The following RCL1 variants were observed in gnomAD, a reference collection of about 807,000 sequenced individuals.
RCL1 encodes RNA terminal phosphate cyclase like 1.
In RCL1, 24 loss-of-function variants were observed where a neutral mutation model predicts 42.4. The ratio of observed to expected loss-of-function variants is 0.57; its 90% CI spans 0.41 to 0.80. RCL1 has a LOEUF of 0.80. RCL1 is among the 30% of genes least tolerant of loss of function. RCL1 has a pLI of 0.00. For missense variants in RCL1, 578 were observed against 467.9 expected (o/e 1.24, Z -2.17); for synonymous variants, 228 against 177.3 (o/e 1.29, Z -2.27).
At chr9:4,837,807 G>A (rs916761442) in intron 5 of RCL1, among the ~76,000 whole-genome samples, 2 of 152,176 alleles carry the variant, frequency 1.3e-5, no homozygotes, top group Non-Finnish European at 2.9e-5. Context: ...TCTGAGCCAG[G>A]AAGAGACTTG....
intron 3 of RCL1, among the ~76,000 whole-genome samples, chr9:4,831,263 C>T (rs1816930969): frequency 6.6e-6 from 1 of 151,340 alleles, no homozygotes; most frequent in African/African-American, 2.5e-5. Context: ...CTCTTTGTGA[C>T]TCAAGGTATA....
At chr9:4,819,740 G>C (rs1213398904) in intron 1 of RCL1, among the ~76,000 whole-genome samples, 1 of 152,230 alleles carries the variant, frequency 6.6e-6, no homozygotes, top group Non-Finnish European at 1.5e-5. Context: ...CCGGGAGGCG[G>C]AGGTTGCAGT....
At chr9:4,813,288 C>G (rs1054462997) in intron 1 of RCL1, among the ~76,000 whole-genome samples, 13 of 152,168 alleles carry the variant, frequency 8.5e-5, no homozygotes, top group Admixed American at 7.2e-4. Context: ...ATCTACCCAT[C>G]TGACAAAGGG....
chr9:4,793,285 G>C, intron 1 of RCL1, 58 bp downstream of exon 1: 10 of 1,522,336 alleles, frequency 6.6e-6, no homozygotes, highest in Admixed American at 2.0e-5. Context: ...AGACCGAGCT[G>C]ATGCCGTGGG....
chr9:4,836,223 A>G (rs1817124368), intron 5 of RCL1, among the ~76,000 whole-genome samples: 1 of 152,148 alleles, frequency 6.6e-6, no homozygotes. Flanking sequence ...GGCAGCCTAG[A>G]GGGAGGAGTA....
chr9:4,824,383 T>G (rs1240514078), intron 2 of RCL1, among the ~76,000 whole-genome samples: 1 of 150,888 alleles, frequency 6.6e-6, no homozygotes, highest in Non-Finnish European at 1.5e-5. Context: ...CATTTTTTTT[T>G]TTTTTTTTTT....
intron 7 of RCL1, among the ~76,000 whole-genome samples, chr9:4,848,226 T>C (rs1289220521): frequency 1.3e-5 from 2 of 152,258 alleles, no homozygotes; most frequent in Admixed American, 6.5e-5. Flanking sequence ...AAAGGAACTC[T>C]CCTTGTCCTA....
intron 1 of RCL1, among the ~76,000 whole-genome samples, chr9:4,803,561 A>T (rs1295735713): frequency 6.6e-6 from 1 of 152,114 alleles, no homozygotes; most frequent in East Asian, 1.9e-4. Flanking sequence ...AATTGGAGTG[A>T]TAGTAGATCC....
chr9:4,796,624 T>C (rs10815082), intron 1 of RCL1, among the ~76,000 whole-genome samples: 1 of 152,100 alleles, frequency 6.6e-6, no homozygotes, highest in Non-Finnish European at 1.5e-5. Flanking sequence ...GGTCTTGAAC[T>C]CCTGGACTCA....
chr9:4,827,321 T>G, intron 3 of RCL1: 1 of 1,179,948 alleles, frequency 8.5e-7, no homozygotes, highest in African/African-American at 1.5e-5. Flanking sequence ...TGAACTATAG[T>G]TCTGCTGGCT....
chr9:4,828,792 AG>A (rs1176293640), intron 3 of RCL1, among the ~76,000 whole-genome samples: 10 of 152,212 alleles, frequency 6.6e-5, no homozygotes, highest in Non-Finnish European at 2.9e-5. Flanking sequence ...CAGTGACAAA[AG>A]ATCAGTTGAT....
At chr9:4,817,534 C>G (rs1369244938) in intron 1 of RCL1, among the ~76,000 whole-genome samples, 1 of 150,720 alleles carries the variant, frequency 6.6e-6, no homozygotes, top group African/African-American at 2.4e-5. Context: ...AGTGCAGTGG[C>G]TCCATCATGG....
At chr9:4,852,106 C>A (rs143878945) in intron 8 of RCL1, among the ~76,000 whole-genome samples, 88 of 152,292 alleles carry the variant, frequency 5.8e-4, no homozygotes, top group East Asian at 5.2e-3. Context: ...TGGTCTCGAT[C>A]TCCTGACCTC....
chr9:4,847,952 G>C (rs1817578761), intron 7 of RCL1, among the ~76,000 whole-genome samples: 1 of 152,178 alleles, frequency 6.6e-6, no homozygotes, highest in Non-Finnish European at 1.5e-5. Context: ...TCAGGTATCT[G>C]GCAGGTGACA....
chr9:4,860,210 G>C lies in RCL1; in HGVS notation c.1057G>C (p.Gly353Arg). The change falls in exon 9 of 9, where the codon GGG becomes CGG. Residue 353 changes from glycine (G) to arginine (R), a missense_variant. Coordinates refer to ENST00000381750, the MANE Select transcript of RCL1 (RefSeq NM_005772.5). The stretch of plus-strand genomic sequence containing the variant: ...GCCATGTGGTGAAGAACTCAAGGGT[G>C]GGGATAAAGTGCTGATGACCTGTGT... The part of the protein sequence containing the change: ...TKPCGEELKG[G>R]DKVLMTCVGI... 1.2e-6 allele frequency: 2 copies of C among 1,613,046 alleles called. No individual in the cohort carries two copies. The highest frequency in any genetic ancestry group is 1.7e-6 in the Non-Finnish European group (2 of 1,179,568).
intron 2 of RCL1, among the ~76,000 whole-genome samples, chr9:4,824,998 G>A (rs940799486): frequency 6.6e-6 from 1 of 152,002 alleles, no homozygotes; most frequent in Non-Finnish European, 1.5e-5. Context: ...GGCGACTTCT[G>A]CCTCCCGGGT....
At chr9:4,812,899 C>T (rs1334232847) in intron 1 of RCL1, among the ~76,000 whole-genome samples, 1 of 151,954 alleles carries the variant, frequency 6.6e-6, no homozygotes, top group African/African-American at 2.4e-5. Context: ...AAAAATGTTA[C>T]TGATTTTTGT....
chr9:4,839,724 T>C (rs1817251009), intron 5 of RCL1: 4 of 983,710 alleles, frequency 4.1e-6, no homozygotes, highest in Non-Finnish European at 4.8e-6. Flanking sequence ...TAAATATTTA[T>C]TGAGCATTTC....
chr9:4,835,375 G>C (rs1290931183), intron 5 of RCL1, among the ~76,000 whole-genome samples: 1 of 152,226 alleles, frequency 6.6e-6, no homozygotes, highest in Non-Finnish European at 1.5e-5. Context: ...TTAGCATTGG[G>C]GTGGGGGAAA....
Sources: allele counts gnomAD v4.1 joint callset (sites outside exome capture counted in the v4.1 genomes callset), GRCh38; gene constraint gnomAD v4.1.1; transcripts MANE v1.5; gene names NCBI Gene and HGNC (gene_info 2026-07-23, HGNC 2026-07-21).